ZSWIM5: variants seen among roughly 807,000 people sequenced by gnomAD.
The protein encoded by ZSWIM5 is zinc finger SWIM domain-containing protein 5.
A neutral mutation model predicts 119.6 loss-of-function variants in ZSWIM5; 55 were observed. The observed-to-expected ratio is 0.46, with a 90% CI of 0.37 to 0.58. The LOEUF is 0.58. ZSWIM5 is among the 20% of genes least tolerant of loss of function. The pLI is 0.00. For missense variants in ZSWIM5, 1,193 were observed against 1,512.8 expected, an observed-to-expected ratio of 0.79 and a Z score of 3.51; for synonymous variants, 537 against 606.9, an observed-to-expected ratio of 0.88 and a Z score of 1.69.
intron 4 of ZSWIM5, among the ~76,000 whole-genome samples, chr1:45,056,455 A>G (rs1275875270): frequency 6.6e-6 from 1 of 151,856 alleles, no homozygotes; most frequent in Non-Finnish European, 1.5e-5. Flanking sequence ...TAGCTGGGCC[A>G]TGGTGATGCA....
At chr1:45,135,597 T>C (rs1645684366) in intron 1 of ZSWIM5, among the ~76,000 whole-genome samples, 1 of 152,232 alleles carries the variant, frequency 6.6e-6, no homozygotes, top group South Asian at 2.1e-4. Flanking sequence ...CATTTCTTGA[T>C]TACTTCTGAA....
chr1:45,184,125 T>C (rs1646041471), intron 1 of ZSWIM5, among the ~76,000 whole-genome samples: 1 of 152,188 alleles, frequency 6.6e-6, no homozygotes, highest in Non-Finnish European at 1.5e-5. Context: ...ATCCAGCATA[T>C]AAACAGAACC....
chr1:45,139,694 A>ATTTTTTTTTT (rs774168631), intron 1 of ZSWIM5, among the ~76,000 whole-genome samples: 17 of 67,316 alleles, frequency 2.5e-4, no homozygotes, highest in East Asian at 4.3e-4. Flanking sequence ...GCTTTCTTCG[A>ATTTTTTTTTT]TTTTTTTTTT....
At chr1:45,042,687 G>A (rs1461498195) in intron 6 of ZSWIM5, among the ~76,000 whole-genome samples, 1 of 152,126 alleles carries the variant, frequency 6.6e-6, no homozygotes, top group Non-Finnish European at 1.5e-5. Context: ...TTGATTGAGG[G>A]AAAGCCAGGA....
At chr1:45,154,033 C>T (rs556793536) in intron 1 of ZSWIM5, among the ~76,000 whole-genome samples, 5 of 152,132 alleles carry the variant, frequency 3.3e-5, no homozygotes, top group African/African-American at 1.2e-4. Context: ...TAGGAATATA[C>T]CTAACCAAGG....
At chr1:45,190,927 ATTTTTTTTTTTTTTTTTTTTT>A (rs746764436) in intron 1 of ZSWIM5, among the ~76,000 whole-genome samples, 34 of 49,006 alleles carry the variant, frequency 6.9e-4, no homozygotes, top group South Asian at 4.6e-3. Flanking sequence ...AATAGCTGGA[ATTTTTTTTTTTTTTTTTTTTT>A]TTTTTTTTTT....
At position 45,196,384 on chromosome 1, in the gene ZSWIM5, C is replaced by CTT. The variant is rs767673983; in HGVS notation, c.595+9370_595+9371dup. On this transcript the variant is annotated intron_variant, in intron 1 of 13. Coordinates refer to ENST00000359600, the MANE Select transcript of ZSWIM5 (RefSeq NM_020883.2). ...AAACCAAGATTGAAGCCCACAATTC[C>CTT]TTTTTTTTTTTTTTTTTTTTTTTGA... Among the ~76,000 whole-genome samples the CTT allele has an allele frequency of 7.0e-3, 533 of 76,300 alleles. 22 individuals are homozygous for CTT. The highest frequency in any genetic ancestry group is 0.023 in the East Asian group (52 of 2,242). The allele number at this position is 76,300 out of a possible 152,430, so 50.1% of individuals were successfully genotyped here.
At chr1:45,139,549 C>A (rs557149528) in intron 1 of ZSWIM5, among the ~76,000 whole-genome samples, 202 of 149,082 alleles carry the variant, frequency 1.4e-3, no homozygotes, top group African/African-American at 4.8e-3. Flanking sequence ...GTATGAGCCA[C>A]CATGCCTGGC....
Position 45,036,265 on chromosome 1 carries a change from A to G in ZSWIM5, c.1929T>C (p.His643=). The part of the protein sequence containing the change: ...MNESRPPVYQ[H]VPVAAGSPNS... ...TTGGGGAGCCTGCAGCCACAGGTAC[A>G]TGCTGGTACACAGGGGGTCTGCTTT... is the stretch of plus-strand genomic sequence containing the variant. The change falls in exon 9 of 14, where the codon CAT becomes CAC. Residue 643 remains histidine (H), a synonymous_variant. Coordinates refer to ENST00000359600, the MANE Select transcript of ZSWIM5 (RefSeq NM_020883.2). 2 of 1,613,884 alleles carry G rather than the reference A, an allele frequency of 1.2e-6. No individual in the cohort carries two copies. Among genetic ancestry groups the G allele is most frequent in the Non-Finnish European group, 1.7e-6 (2 of 1,179,998 alleles).
intron 1 of ZSWIM5, among the ~76,000 whole-genome samples, chr1:45,172,369 A>G (rs935178393): frequency 6.6e-6 from 1 of 152,164 alleles, no homozygotes; most frequent in Non-Finnish European, 1.5e-5. Flanking sequence ...GCAATATTAT[A>G]ATAACTGAAG....
rs1343821877 is a variant in ZSWIM5, at chr1:45,034,426, G to A, written c.2335C>T (p.His779Tyr). Residue 779 changes from histidine to tyrosine, a missense_variant, in exon 11 of 14, where the codon CAC becomes TAC. Physicochemically the swap from His to Tyr is moderately conservative, Grantham distance 83. This residue lies in a region of ZSWIM5 where 961 missense variants were observed against 1,290.0 expected (regional missense o/e 0.74). Coordinates refer to ENST00000359600, the MANE Select transcript of ZSWIM5 (RefSeq NM_020883.2). ...ACCACAGACACCATATGGTGAGGGT[G>A]GGATGTGTCGCCTGCAGAAGCTGAG... ...ENSASAGDTS[H>Y]PHHMVSVVPS... The A allele has an allele frequency of 3.7e-6, 6 of 1,612,740 alleles. No homozygotes were observed. The highest frequency in any genetic ancestry group is 5.1e-6 in the Non-Finnish European group (6 of 1,179,482).
At chr1:45,185,051 G>A (rs1299544403) in intron 1 of ZSWIM5, among the ~76,000 whole-genome samples, 3 of 151,688 alleles carry the variant, frequency 2.0e-5, no homozygotes, top group Non-Finnish European at 4.4e-5. Flanking sequence ...CCAAAACAGA[G>A]ATATAGATCA....
At chr1:45,068,786 G>C (rs1050229288) in intron 2 of ZSWIM5, among the ~76,000 whole-genome samples, 3 of 96,016 alleles carry the variant, frequency 3.1e-5, no homozygotes, top group African/African-American at 1.1e-4. Context: ...TGTTGCTGTT[G>C]TATGTCTTTT....
intron 7 of ZSWIM5, among the ~76,000 whole-genome samples, chr1:45,039,533 G>A (rs1645006669): frequency 6.6e-6 from 1 of 151,854 alleles, no homozygotes; most frequent in Non-Finnish European, 1.5e-5. Flanking sequence ...CTACAGGCAT[G>A]TGCCACTATG....
At chr1:45,055,729 G>A (rs1306476916) in intron 4 of ZSWIM5, among the ~76,000 whole-genome samples, 1 of 152,228 alleles carries the variant, frequency 6.6e-6, no homozygotes, top group East Asian at 1.9e-4. Flanking sequence ...ATATTTAGAA[G>A]GGTTGAGGAA....
At chr1:45,175,787 T>G (rs1645976854) in intron 1 of ZSWIM5, among the ~76,000 whole-genome samples, 1 of 151,836 alleles carries the variant, frequency 6.6e-6, no homozygotes, top group Non-Finnish European at 1.5e-5. Flanking sequence ...AATGAACTCA[T>G]GGGTTTCTAT....
chr1:45,188,789 G>C (rs1268996773), intron 1 of ZSWIM5, among the ~76,000 whole-genome samples: 1 of 152,166 alleles, frequency 6.6e-6, no homozygotes, highest in Non-Finnish European at 1.5e-5. Context: ...AGGCTAACCT[G>C]TTTTGATGGT....
At chr1:45,123,400 G>T (rs958018198) in intron 1 of ZSWIM5, among the ~76,000 whole-genome samples, 1 of 152,142 alleles carries the variant, frequency 6.6e-6, no homozygotes, top group Non-Finnish European at 1.5e-5. Context: ...GAATCTCTCA[G>T]CAGAGAAACA....
intron 1 of ZSWIM5, among the ~76,000 whole-genome samples, chr1:45,105,212 G>A (rs1025940349): frequency 2.0e-5 from 3 of 152,164 alleles, no homozygotes; most frequent in Admixed American, 6.5e-5. Context: ...TCAGCCTCCC[G>A]AGGTGCTGGG....
Sources: gnomAD v4.1 joint callset for allele counts (sites outside exome capture counted in the v4.1 genomes callset) on GRCh38, gnomAD v4.1.1 for gene constraint, gnomAD v4.1.1 regional missense constraint, MANE v1.5 for transcripts, NCBI Gene and HGNC (gene_info 2026-07-23, HGNC 2026-07-21) for gene names.